Variants in SYNE1 observed in about 807,000 individuals in gnomAD.
The protein encoded by SYNE1 is spectrin repeat containing nuclear envelope protein 1.
SYNE1 carries 616 observed loss-of-function variants against 1,111.0 expected under a neutral mutation model. The ratio of observed to expected loss-of-function variants is 0.55; its 90% CI spans 0.52 to 0.59. SYNE1 has a LOEUF of 0.59. SYNE1 is among the 20% of genes least tolerant of loss of function. The pLI is 0.00. For synonymous variants in SYNE1, 3,855 were observed against 3,825.8 expected (o/e 1.01, Z -0.28); for missense variants, 10,006 against 10,417.0 (o/e 0.96, Z 1.72).
At position 152,326,276 on chromosome 6, in the gene SYNE1, C is replaced by T. The variant is rs1017923321; in HGVS notation, c.15293+20G>A. The T allele has an allele frequency of 6.2e-7, 1 of 1,614,014 alleles. No homozygotes were observed. Among genetic ancestry groups the T allele is most frequent in the South Asian group, 1.1e-5 (1 of 91,058 alleles). ...AAATTCATTTCACTAAAACATAAAA[C>T]ACAAAACATCCTGAAATACCTCTGC... is the stretch of plus-strand genomic sequence containing the variant. On this transcript the variant is annotated intron_variant, in intron 79 of 145. Transcript: ENST00000367255.
chr6:152,444,397 A>G lies in SYNE1; in HGVS notation c.3837+14T>C. On this transcript the variant is annotated intron_variant, in intron 30 of 145. Coordinates refer to ENST00000367255, the MANE Select transcript of SYNE1 (RefSeq NM_182961.4). ...ACTTTACATAATCTTGTTGGAAGAAAGAGGCATTTTTACCTGGTGATGAAG... is the reference window on the plus strand; with the variant it reads ...ACTTTACATAATCTTGTTGGAAGAAGGAGGCATTTTTACCTGGTGATGAAG... 3 of 1,613,312 alleles carry G rather than the reference A, an allele frequency of 1.9e-6. No individual in the cohort carries two copies. The highest frequency in any genetic ancestry group is 2.5e-6 in the Non-Finnish European group (3 of 1,179,648).
intron 58 of SYNE1, among the ~76,000 whole-genome samples, chr6:152,375,680 G>A (rs953128964): frequency 9.9e-5 from 15 of 152,132 alleles, no homozygotes; most frequent in African/African-American, 3.6e-4. Context: ...CCTCACTGAC[G>A]CTTTTACCCT....
intron 11 of SYNE1, among the ~76,000 whole-genome samples, chr6:152,493,863 C>T (rs1433779330): frequency 6.6e-6 from 1 of 152,254 alleles, no homozygotes; most frequent in Non-Finnish European, 1.5e-5. Context: ...CCTGACTAAA[C>T]CATCATACAA....
chr6:152,451,345 C>T (rs2098647501), intron 25 of SYNE1, 140 bp from the exon 26 acceptor site: 2 of 773,810 alleles, frequency 2.6e-6, no homozygotes. Flanking sequence ...ACTTTCCACA[C>T]CTGGTCTCTC....
At chr6:152,458,967 C>A in intron 21 of SYNE1, 37 bp from the exon 22 acceptor site, 1 of 1,591,662 alleles carries the variant, frequency 6.3e-7, no homozygotes, top group Non-Finnish European at 8.6e-7. Context: ...CATGAAAGAC[C>A]ATTAAGTGCC....
intron 3 of SYNE1, among the ~76,000 whole-genome samples, chr6:152,589,805 G>C (rs956711824): frequency 6.6e-6 from 1 of 151,972 alleles, no homozygotes; most frequent in African/African-American, 2.4e-5. Context: ...ACCTTAGCTG[G>C]ATCCATTTTT....
chr6:152,323,586 A>G lies in SYNE1; in HGVS notation c.15809T>C (p.Met5270Thr), dbSNP rs534865480. The change falls in exon 82 of 146, where the codon ATG becomes ACG. Residue 5270 changes from methionine (M) to threonine (T), a missense_variant. Met to Thr is a moderately conservative substitution (Grantham distance 81). This residue lies in a region of SYNE1 where 4,955 missense variants were observed against 5,017.2 expected (regional missense o/e 0.99). Coordinates refer to ENST00000367255, the MANE Select transcript of SYNE1 (RefSeq NM_182961.4). ...CATGCTCAGGGTTTGCTGCCGCAGC[A>G]TGCCCAAGGCCGACTGCTGCTGCTC... ...ELEQQQSALG[M>T]LRQQTLSMLQ... 6.2e-7 allele frequency: 1 copy of G among 1,614,240 alleles called. No homozygotes were observed. Among genetic ancestry groups the G allele is most frequent in the Non-Finnish European group, 8.5e-7 (1 of 1,180,040 alleles).
intron 100 of SYNE1, among the ~76,000 whole-genome samples, chr6:152,267,347 T>C (rs2092808684): frequency 6.6e-6 from 1 of 152,184 alleles, no homozygotes; most frequent in Admixed American, 6.5e-5. Context: ...AGTTTTCCTG[T>C]ATATCCTCTC....
In SYNE1 at chr6:152,215,007, C is replaced by A. The variant is rs767375107; in HGVS notation, c.22245G>T (p.Glu7415Asp). 9.9e-6 allele frequency: 16 copies of A among 1,614,002 alleles called. No homozygotes were observed. The highest frequency in any genetic ancestry group is 1.3e-5 in the Non-Finnish European group (15 of 1,180,008). Residue 7415 changes from glutamate (E) to aspartate (D), a missense_variant, in exon 122 of 146, where the codon GAG becomes GAT. Coordinates refer to ENST00000367255, the MANE Select transcript of SYNE1 (RefSeq NM_182961.4). Reference sequence around the variant, plus strand: ...CATTCAAGGGTAACCTATATCCAAGCTCATTTAGACGGTCTAAATCTGGAG... The same window carrying A: ...CATTCAAGGGTAACCTATATCCAAGATCATTTAGACGGTCTAAATCTGGAG... ...SMAPDLDRLN[E>D]LGYRLPLNDK... is the part of the protein sequence containing the mutation.
chr6:152,445,313 T>G (rs2098572691), intron 29 of SYNE1, among the ~76,000 whole-genome samples: 1 of 152,098 alleles, frequency 6.6e-6, no homozygotes, highest in South Asian at 2.1e-4. Context: ...CTTCCAATAT[T>G]CCTACATAAA....
chr6:152,560,766 C>G (rs1023187055), intron 3 of SYNE1, among the ~76,000 whole-genome samples: 4 of 151,984 alleles, frequency 2.6e-5, no homozygotes, highest in South Asian at 2.1e-4. Flanking sequence ...TCACTATATG[C>G]AAATTAATCA....
At chr6:152,620,780 T>C (rs1178793663) in intron 3 of SYNE1, among the ~76,000 whole-genome samples, 2 of 152,174 alleles carry the variant, frequency 1.3e-5, no homozygotes, top group Non-Finnish European at 2.9e-5. Context: ...ATTAACTATT[T>C]ATATTATATG....
At chr6:152,504,377 T>C (rs1594178490) in intron 9 of SYNE1, among the ~76,000 whole-genome samples, 1 of 152,144 alleles carries the variant, frequency 6.6e-6, no homozygotes, top group African/African-American at 2.4e-5. Context: ...TCCTCTTTGT[T>C]TTAGAGCTAG....
At chr6:152,427,949 A>G (rs2154198107) in intron 37 of SYNE1, 133 bp from the exon 38 acceptor site, 1 of 1,335,158 alleles carries the variant, frequency 7.5e-7, no homozygotes, top group East Asian at 2.4e-5. Context: ...TAGATATGCC[A>G]GCACAAAAAT....
intron 69 of SYNE1, among the ~76,000 whole-genome samples, chr6:152,352,576 T>C (rs1434137578): frequency 6.6e-6 from 1 of 152,092 alleles, no homozygotes; most frequent in Non-Finnish European, 1.5e-5. Context: ...CTAATTTTTG[T>C]ATTTTTTAGT....
chr6:152,231,925 A>G (rs1477852896), intron 113 of SYNE1, among the ~76,000 whole-genome samples, 191 bp downstream of exon 113: 4 of 152,100 alleles, frequency 2.6e-5, no homozygotes, highest in Admixed American at 6.6e-5. Context: ...ATTCAAAATC[A>G]TTCCTAGTAC....
intron 34 of SYNE1, 142 bp from the exon 35 acceptor site, chr6:152,430,851 A>C (rs2098422219): frequency 2.4e-6 from 2 of 821,224 alleles, no homozygotes; most frequent in Non-Finnish European, 4.0e-6. Flanking sequence ...GTGAGCAAAC[A>C]CCATGTGTTT....
At chr6:152,605,786 T>C (rs1408473555) in intron 3 of SYNE1, among the ~76,000 whole-genome samples, 1 of 152,226 alleles carries the variant, frequency 6.6e-6, no homozygotes. Context: ...TTTTTATAGC[T>C]GTGATTAAGG....
At chr6:152,283,344 C>T (rs143837349) in intron 96 of SYNE1, among the ~76,000 whole-genome samples, 4 of 152,222 alleles carry the variant, frequency 2.6e-5, no homozygotes, top group African/African-American at 7.2e-5. Context: ...CAAATGCTGT[C>T]GTGTAAACAT....
Sources: gnomAD v4.1 joint callset for allele counts (sites outside exome capture counted in the v4.1 genomes callset) on GRCh38, gnomAD v4.1.1 for gene constraint, gnomAD v4.1.1 regional missense constraint, MANE v1.5 for transcripts, NCBI Gene and HGNC (gene_info 2026-07-23, HGNC 2026-07-21) for gene names.